The following SOX6 variants were observed in gnomAD, a reference collection of about 807,000 sequenced individuals.
SOX6 encodes the protein transcription factor SOX-6.
Under a neutral mutation model 97.8 loss-of-function variants are expected in SOX6, and 11 were observed. That is an observed-to-expected ratio of 0.11 (90% CI 0.07 to 0.19). SOX6 has a LOEUF of 0.19. Among genes scored for constraint, SOX6 ranks in the 10% least tolerant of loss-of-function variants. The pLI is 1.00. For synonymous variants in SOX6, 360 were observed against 371.4 expected, an observed-to-expected ratio of 0.97 and a Z score of 0.35; for missense variants, 810 against 1,039.5, an observed-to-expected ratio of 0.78 and a Z score of 3.04.
At chr11:16,175,604 T>C (rs1851161649) in intron 6 of SOX6, among the ~76,000 whole-genome samples, 1 of 151,926 alleles carries the variant, frequency 6.6e-6, no homozygotes, top group Admixed American at 6.6e-5. Context: ...TAAAAGTAGA[T>C]TCAGAGTCAT....
At chr11:16,433,367 A>G (rs541180556) in intron 1 of SOX6, among the ~76,000 whole-genome samples, 16 of 152,200 alleles carry the variant, frequency 1.1e-4, no homozygotes, top group African/African-American at 3.8e-4. Context: ...AGTAACAAAT[A>G]CAATTGTGAG....
At chr11:16,301,509 C>T (rs1031647773) in intron 3 of SOX6, among the ~76,000 whole-genome samples, 2 of 152,078 alleles carry the variant, frequency 1.3e-5, no homozygotes, top group African/African-American at 4.8e-5. Context: ...TTTAGTAGGT[C>T]AAGGATGAAG....
At chr11:16,390,667 T>C (rs970512622) in intron 1 of SOX6, among the ~76,000 whole-genome samples, 3 of 152,164 alleles carry the variant, frequency 2.0e-5, no homozygotes, top group Admixed American at 2.0e-4. Context: ...ACCTACTCCA[T>C]GAAAACCTTC....
At position 16,043,059 on chromosome 11, in the gene SOX6, G is replaced by A. The variant is rs1855719668; in HGVS notation, c.1623+3455C>T. Among the ~76,000 whole-genome samples, 6 of 152,262 alleles carry A rather than the reference G, an allele frequency of 3.9e-5. No individual in the cohort carries two copies. The South Asian group carries it at 1.2e-3, about 32-fold the overall frequency. On this transcript the variant is annotated intron_variant, in intron 12 of 15. Transcript: ENST00000683767. The stretch of plus-strand genomic sequence containing the variant: ...CCCCTTCATTAAAAAGGCCCACCCT[G>A]CCTTGCATGTCTTCTTGCCAGATGC...
chr11:15,984,017 G>T (rs1162087806), intron 15 of SOX6, among the ~76,000 whole-genome samples: 1 of 152,096 alleles, frequency 6.6e-6, no homozygotes, highest in Non-Finnish European at 1.5e-5. Flanking sequence ...CAGTCATTTG[G>T]CATGATGGGG....
At chr11:16,196,243 G>A (rs1338270953) in intron 4 of SOX6, among the ~76,000 whole-genome samples, 2 of 152,218 alleles carry the variant, frequency 1.3e-5, no homozygotes, top group Non-Finnish European at 2.9e-5. Flanking sequence ...ACTGAAGCAT[G>A]CAAAAGTAAC....
At chr11:16,376,203 T>C (rs1389580043) in intron 1 of SOX6, among the ~76,000 whole-genome samples, 2 of 152,094 alleles carry the variant, frequency 1.3e-5, no homozygotes, top group Admixed American at 6.6e-5. Context: ...AACAATTTGG[T>C]TAATTCCAAA....
chr11:16,103,879 TG>T (rs1271958571), intron 7 of SOX6, among the ~76,000 whole-genome samples: 1 of 149,944 alleles, frequency 6.7e-6, no homozygotes, highest in African/African-American at 2.5e-5. Flanking sequence ...GGGGAAAGGT[TG>T]GGGGATAGCG....
intron 6 of SOX6, among the ~76,000 whole-genome samples, chr11:16,144,456 A>G (rs972198673): frequency 6.6e-6 from 1 of 152,204 alleles, no homozygotes; most frequent in African/African-American, 2.4e-5. Context: ...AAGCAAGAGC[A>G]AACACATTCA....
intron 4 of SOX6, among the ~76,000 whole-genome samples, chr11:16,567,561 C>CTTTTTTTTTTTTTT (rs59320140): frequency 3.7e-4 from 32 of 87,324 alleles, no homozygotes; most frequent in Non-Finnish European, 5.7e-4. Flanking sequence ...ATATTTTTTT[C>CTTTTTTTTTTTTTT]TTTTTTTTTT....
intron 4 of SOX6, among the ~76,000 whole-genome samples, chr11:16,525,878 A>T (rs1353517515): frequency 0.089 from 13,486 of 151,384 alleles, 752 homozygotes; most frequent in Non-Finnish European, 0.13. Flanking sequence ...AGACACATGA[A>T]AAAAATGCTC....
chr11:16,095,515 T>C (rs1848774377), intron 9 of SOX6, among the ~76,000 whole-genome samples: 1 of 151,850 alleles, frequency 6.6e-6, no homozygotes, highest in South Asian at 2.1e-4. Flanking sequence ...TCCTGGGCAA[T>C]AACCTTGACT....
chr11:16,620,570 G>A (rs1483209849), intron 3 of SOX6, among the ~76,000 whole-genome samples: 3 of 151,952 alleles, frequency 2.0e-5, no homozygotes, highest in Non-Finnish European at 4.4e-5. Flanking sequence ...TGCCTGGCTT[G>A]GAAAACTCTT....
At chr11:16,458,322 C>CAA (rs1447048925) in intron 1 of SOX6, among the ~76,000 whole-genome samples, 3 of 152,096 alleles carry the variant, frequency 2.0e-5, no homozygotes, top group Non-Finnish European at 4.4e-5. Flanking sequence ...CCACAAGACA[C>CAA]AGAAAAATAT....
chr11:16,148,639 T>A (rs1850377372), intron 6 of SOX6, among the ~76,000 whole-genome samples: 1 of 152,152 alleles, frequency 6.6e-6, no homozygotes, highest in Non-Finnish European at 1.5e-5. Flanking sequence ...AGCTTTGCCA[T>A]CTGAGCCCTA....
intron 7 of SOX6, among the ~76,000 whole-genome samples, chr11:16,110,632 T>A (rs1849206103): frequency 6.6e-6 from 1 of 152,294 alleles, no homozygotes; most frequent in Non-Finnish European, 1.5e-5. Context: ...ACCAATCTCA[T>A]AACATCTCAA....
chr11:16,537,137 G>T (rs1861321768), intron 4 of SOX6, among the ~76,000 whole-genome samples: 1 of 152,156 alleles, frequency 6.6e-6, no homozygotes, highest in Non-Finnish European at 1.5e-5. Flanking sequence ...TTTCCGTTCT[G>T]CAATATTTGC....
intron 3 of SOX6, chr11:16,264,314 C>G (rs1854003061): frequency 6.6e-6 from 1 of 151,856 alleles, no homozygotes; most frequent in Admixed American, 6.6e-5. Context: ...TATCTCATTT[C>G]TTCTTCCTTC....
chr11:16,211,024 A>C (rs1042241884), intron 4 of SOX6, among the ~76,000 whole-genome samples: 18 of 152,206 alleles, frequency 1.2e-4, no homozygotes, highest in Admixed American at 2.6e-4. Flanking sequence ...AGGAGTAGAG[A>C]ATTCTAAGAA....
Sources: gnomAD v4.1 joint callset for allele counts (sites outside exome capture counted in the v4.1 genomes callset) on GRCh38, gnomAD v4.1.1 for gene constraint, MANE v1.5 for transcripts, NCBI Gene and HGNC (gene_info 2026-07-23, HGNC 2026-07-21) for gene names.